Variants in GRIK3 observed in about 807,000 individuals in gnomAD.
The protein encoded by GRIK3 is glutamate ionotropic receptor kainate type subunit 3.
In GRIK3, 29 loss-of-function variants were observed where a neutral mutation model predicts 102.5. The observed-to-expected ratio is 0.28, with a 90% CI of 0.21 to 0.39. The LOEUF is 0.39. Ranked by LOEUF, GRIK3 falls within the 10% of genes least tolerant of loss-of-function variation. The pLI, the probability that GRIK3 is intolerant of heterozygous loss-of-function variation, is 1.00. For synonymous variants in GRIK3, 511 were observed against 504.9 expected, an observed-to-expected ratio of 1.01 and a Z score of -0.16; for missense variants, 908 against 1,252.4, an observed-to-expected ratio of 0.73 and a Z score of 4.15.
chr1:36,836,402 G>T (rs1640379274), intron 10 of GRIK3, among the ~76,000 whole-genome samples: 5 of 152,252 alleles, frequency 3.3e-5, no homozygotes, highest in Admixed American at 3.3e-4. Context: ...CAGCGAGGCT[G>T]CTCTGTGTGC....
intron 1 of GRIK3, among the ~76,000 whole-genome samples, chr1:36,943,594 C>G (rs1042794154): frequency 6.6e-6 from 1 of 152,164 alleles, no homozygotes; most frequent in African/African-American, 2.4e-5. Context: ...AGTCCTGGAC[C>G]TGGAGATAAT....
At chr1:37,000,392 A>T (rs183949958) in intron 1 of GRIK3, among the ~76,000 whole-genome samples, 71 of 152,368 alleles carry the variant, frequency 4.7e-4, no homozygotes, top group African/African-American at 1.6e-3. Context: ...CAGTCTTTAC[A>T]ACAATTATAT....
In GRIK3 at chr1:36,801,113, C is replaced by G. The variant is rs1372915868; in HGVS notation, c.*738G>C. 6.6e-6 allele frequency: 1 copy of G among 152,340 alleles called. No individual in the cohort carries two copies. Among genetic ancestry groups the G allele is most frequent in the East Asian group, 1.9e-4 (1 of 5,184 alleles). 9.4% of individuals were successfully genotyped at this position (152,340 alleles called of 1,614,324 possible). A position where few individuals can be genotyped will look rare whatever the true frequency, so the allele number is the denominator to read the frequency against. ...GAAGAATTTTCTGTGGCCACTCCCC[C>G]ACTTATATTCTTAGAGACCTCCTAG... On this transcript the variant is annotated 3_prime_UTR_variant, in exon 16 of 16. Transcript: ENST00000373091.
chr1:36,820,704 T>C (rs1477981265), intron 11 of GRIK3, among the ~76,000 whole-genome samples: 10 of 152,234 alleles, frequency 6.6e-5, no homozygotes, highest in Non-Finnish European at 1.5e-4. Context: ...ACAGTATAGA[T>C]GAATACAATC....
chr1:36,857,753 C>A (rs1173324190), intron 7 of GRIK3, among the ~76,000 whole-genome samples: 2 of 152,236 alleles, frequency 1.3e-5, no homozygotes, highest in Non-Finnish European at 2.9e-5. Context: ...CTTGGGACCT[C>A]AGGGGAAGCT....
At chr1:36,973,857 GAGCT>G (rs1642169024) in intron 1 of GRIK3, among the ~76,000 whole-genome samples, 1 of 152,174 alleles carries the variant, frequency 6.6e-6, no homozygotes, top group African/African-American at 2.4e-5. Flanking sequence ...GATTTCAGAA[GAGCT>G]GTCATGGACA....
intron 1 of GRIK3, among the ~76,000 whole-genome samples, chr1:37,014,717 C>T (rs1346222064): frequency 6.6e-6 from 1 of 152,168 alleles, no homozygotes; most frequent in East Asian, 1.9e-4. Flanking sequence ...GAACAGTTAT[C>T]CCAATTGGGC....
At chr1:36,849,604 G>A (rs1287537042) in intron 9 of GRIK3, 3 of 152,322 alleles carry the variant, frequency 2.0e-5, no homozygotes, top group African/African-American at 7.2e-5. Flanking sequence ...TGAGTCTCTG[G>A]ACACCTCTGA....
At chr1:36,828,818 G>C (rs1642783199) in intron 10 of GRIK3, among the ~76,000 whole-genome samples, 1 of 152,210 alleles carries the variant, frequency 6.6e-6, no homozygotes, top group South Asian at 2.1e-4. Flanking sequence ...AGTTGGATAA[G>C]AGAGTTATGG....
chr1:36,836,773 T>C (rs1640384136), intron 10 of GRIK3, among the ~76,000 whole-genome samples: 1 of 152,206 alleles, frequency 6.6e-6, no homozygotes, highest in African/African-American at 2.4e-5. Context: ...AGAGATTTTA[T>C]GCATCCCCGT....
chr1:36,927,686 G>A (rs569986125), intron 1 of GRIK3, among the ~76,000 whole-genome samples: 215 of 152,302 alleles, frequency 1.4e-3, no homozygotes, highest in African/African-American at 4.2e-3. Context: ...AAAAGCCTCT[G>A]TCGGCCAATT....
At chr1:37,024,015 G>T (rs377609608) in intron 1 of GRIK3, among the ~76,000 whole-genome samples, 2 of 152,218 alleles carry the variant, frequency 1.3e-5, no homozygotes, top group Non-Finnish European at 2.9e-5. Flanking sequence ...AAAAGTTATA[G>T]ATCAGCAGCA....
intron 4 of GRIK3, among the ~76,000 whole-genome samples, chr1:36,871,410 G>T (rs1052439295): frequency 2.0e-5 from 3 of 152,166 alleles, no homozygotes; most frequent in Non-Finnish European, 4.4e-5. Context: ...GACCCTGAGG[G>T]GTCATGTGTC....
intron 1 of GRIK3, among the ~76,000 whole-genome samples, chr1:36,922,601 C>G (rs1231921166): frequency 1.3e-5 from 2 of 152,192 alleles, no homozygotes; most frequent in African/African-American, 4.8e-5. Flanking sequence ...TGGGATTGGT[C>G]CCCAAGACAG....
At chr1:36,935,100 G>C (rs1433483089) in intron 1 of GRIK3, among the ~76,000 whole-genome samples, 1 of 152,130 alleles carries the variant, frequency 6.6e-6, no homozygotes, top group Non-Finnish European at 1.5e-5. Context: ...CATGCACTTA[G>C]GTATACTTGT....
At chr1:36,824,008 C>T (rs1642725658) in intron 11 of GRIK3, among the ~76,000 whole-genome samples, 1 of 152,048 alleles carries the variant, frequency 6.6e-6, no homozygotes, top group African/African-American at 2.4e-5. Flanking sequence ...GTGACAAGTG[C>T]ACTCTGATGC....
At chr1:36,845,176 G>T (rs534385946) in intron 9 of GRIK3, among the ~76,000 whole-genome samples, 4 of 152,062 alleles carry the variant, frequency 2.6e-5, no homozygotes, top group African/African-American at 9.7e-5. Context: ...TCTGAACTCC[G>T]CCAACTACTT....
At chr1:36,825,870 T>C (rs555411662) in intron 10 of GRIK3, 44 bp from the exon 11 acceptor site, 14 of 1,399,186 alleles carry the variant, frequency 1.0e-5, no homozygotes, top group Non-Finnish European at 1.4e-5. Context: ...GAGCAAAGTC[T>C]CAGAATAGCG....
At chr1:36,855,443 TCCAAGGTACTTTTACAG>T (rs1640640802) in intron 7 of GRIK3, among the ~76,000 whole-genome samples, 1 of 152,182 alleles carries the variant, frequency 6.6e-6, no homozygotes, top group Non-Finnish European at 1.5e-5. Flanking sequence ...CATGGGCAGC[TCCAAGGTACTTTTACAG>T]GTAAATGGGT....
Sources: allele counts gnomAD v4.1 joint callset (sites outside exome capture counted in the v4.1 genomes callset), GRCh38; gene constraint gnomAD v4.1.1; transcripts MANE v1.5; gene names NCBI Gene and HGNC (gene_info 2026-07-23, HGNC 2026-07-21).